Variants in EYS observed in about 807,000 individuals in gnomAD.
EYS encodes protein eyes shut homolog.
Under a neutral mutation model 282.1 loss-of-function variants are expected in EYS, and 250 were observed. The ratio of observed to expected loss-of-function variants is 0.89; its 90% CI spans 0.80 to 0.98. The LOEUF is 0.98. Ranked by LOEUF, EYS falls within the 50% of genes least tolerant of loss-of-function variation. The pLI, the probability that EYS is intolerant of heterozygous loss-of-function variation, is 0.00. For missense variants in EYS, 4,016 were observed against 3,709.0 expected, an observed-to-expected ratio of 1.08 and a Z score of -2.15; for synonymous variants, 1,355 against 1,282.9, an observed-to-expected ratio of 1.06 and a Z score of -1.20.
chr6:65,015,227 C>T (rs1772003183), intron 13 of EYS, among the ~76,000 whole-genome samples: 1 of 152,058 alleles, frequency 6.6e-6, no homozygotes. Context: ...GCAAAAACTG[C>T]CAGTTAAATT....
intron 22 of EYS, among the ~76,000 whole-genome samples, chr6:64,719,017 T>C (rs1191215145): frequency 2.6e-5 from 4 of 152,160 alleles, no homozygotes; most frequent in African/African-American, 9.7e-5. Context: ...ACGATTTTCT[T>C]AGGATGAAGT....
intron 35 of EYS, among the ~76,000 whole-genome samples, chr6:63,950,889 C>T (rs947106114): frequency 2.0e-5 from 3 of 151,980 alleles, no homozygotes; most frequent in Non-Finnish European, 4.4e-5. Context: ...GTGTTTTATC[C>T]GTGAACCCAA....
intron 2 of EYS, among the ~76,000 whole-genome samples, chr6:65,635,896 C>T (rs1321807293): frequency 6.6e-6 from 1 of 152,138 alleles, no homozygotes; most frequent in Non-Finnish European, 1.5e-5. Flanking sequence ...AACCAATCAG[C>T]AGCAAGTACC....
At chr6:65,702,140 G>A (rs1459987045) in intron 1 of EYS, among the ~76,000 whole-genome samples, 3 of 152,010 alleles carry the variant, frequency 2.0e-5, no homozygotes, top group Non-Finnish European at 2.9e-5. Flanking sequence ...TATTTCTTCC[G>A]TGTTTTGGAG....
At chr6:63,928,944 T>A (rs1454557769) in intron 35 of EYS, among the ~76,000 whole-genome samples, 1 of 152,132 alleles carries the variant, frequency 6.6e-6, no homozygotes, top group Non-Finnish European at 1.5e-5. Flanking sequence ...TAAAATCCAG[T>A]CAGAGAAGCA....
chr6:65,519,994 T>C (rs1389425613), intron 2 of EYS, among the ~76,000 whole-genome samples: 1 of 150,382 alleles, frequency 6.6e-6, no homozygotes, highest in Admixed American at 6.6e-5. Context: ...AATTTTACTC[T>C]TTATAGATTA....
intron 2 of EYS, among the ~76,000 whole-genome samples, chr6:65,587,200 G>A (rs1045521953): frequency 6.6e-6 from 1 of 151,982 alleles, no homozygotes; most frequent in African/African-American, 2.4e-5. Flanking sequence ...ATCATCATTG[G>A]TTTTATAATC....
chr6:64,087,455 C>T (rs1273527135), intron 31 of EYS, among the ~76,000 whole-genome samples: 2 of 151,990 alleles, frequency 1.3e-5, no homozygotes, highest in Non-Finnish European at 2.9e-5. Flanking sequence ...TCACCAGGAG[C>T]ATTGAAACTA....
At chr6:63,872,233 A>C (rs1261806196) in intron 35 of EYS, among the ~76,000 whole-genome samples, 1 of 151,980 alleles carries the variant, frequency 6.6e-6, no homozygotes, top group Non-Finnish European at 1.5e-5. Context: ...CTTCTTTCCC[A>C]GTCTTGGACT....
At chr6:65,682,878 G>A (rs1768886054) in intron 1 of EYS, among the ~76,000 whole-genome samples, 1 of 151,986 alleles carries the variant, frequency 6.6e-6, no homozygotes, top group Non-Finnish European at 1.5e-5. Context: ...AATACCATAT[G>A]AGAGTGGCTA....
intron 24 of EYS, among the ~76,000 whole-genome samples, chr6:64,605,994 T>G (rs1766921192): frequency 1.3e-5 from 2 of 152,024 alleles, no homozygotes; most frequent in African/African-American, 4.8e-5. Flanking sequence ...CCATTGGAAA[T>G]AATGTCCTCA....
At chr6:64,381,579 CAT>C (rs560074422) in intron 29 of EYS, among the ~76,000 whole-genome samples, 17 of 152,098 alleles carry the variant, frequency 1.1e-4, no homozygotes, top group Non-Finnish European at 2.2e-4. Flanking sequence ...ATACAGTATA[CAT>C]ACTACTGTAA....
At chr6:65,140,770 T>G (rs1764316303) in intron 12 of EYS, among the ~76,000 whole-genome samples, 1 of 151,636 alleles carries the variant, frequency 6.6e-6, no homozygotes, top group Non-Finnish European at 1.5e-5. Context: ...ATCAGAGAAA[T>G]GCAAATCAAA....
At position 65,202,366 on chromosome 6, in the gene EYS, T is replaced by C. The variant is rs531724799; in HGVS notation, c.2023+93497A>G. ...AAAATTATACATAATATTACATATA[T>C]ATAAATTCAGAAATGTCTTGTCTAG... On this transcript the variant is annotated intron_variant, in intron 12 of 42. Coordinates refer to ENST00000503581, the MANE Select transcript of EYS (RefSeq NM_001142800.2). Among the ~76,000 whole-genome samples the C allele has an allele frequency of 7.9e-5, 12 of 152,256 alleles. No individual in the cohort carries two copies. In the East Asian group the frequency reaches 1.5e-3, roughly 20 times the overall value.
chr6:65,533,093 TATTTGTGTGTA>T (rs924461285), intron 2 of EYS, among the ~76,000 whole-genome samples: 195 of 152,226 alleles, frequency 1.3e-3, no homozygotes, highest in African/African-American at 4.6e-3. Context: ...TGCTAAGCTC[TATTTGTGTGTA>T]ATTTATTGCC....
intron 31 of EYS, among the ~76,000 whole-genome samples, chr6:64,094,184 G>A (rs927593815): frequency 2.6e-5 from 4 of 152,062 alleles, no homozygotes; most frequent in Non-Finnish European, 4.4e-5. Flanking sequence ...TTTTCGCATC[G>A]ATGTTCATCA....
intron 41 of EYS, among the ~76,000 whole-genome samples, chr6:63,743,230 A>G (rs1471285885): frequency 6.6e-6 from 1 of 152,166 alleles, no homozygotes; most frequent in Non-Finnish European, 1.5e-5. Context: ...GGTATACATT[A>G]TACTTATTAT....
intron 26 of EYS, among the ~76,000 whole-genome samples, chr6:64,519,245 C>T (rs1048877224): frequency 2.6e-5 from 4 of 151,662 alleles, no homozygotes; most frequent in African/African-American, 7.2e-5. Flanking sequence ...ACGGCACCTG[C>T]GAGGGATTAT....
At chr6:64,505,614 T>C (rs1777183255) in intron 26 of EYS, among the ~76,000 whole-genome samples, 1 of 152,164 alleles carries the variant, frequency 6.6e-6, no homozygotes, top group Admixed American at 6.5e-5. Flanking sequence ...TCTTTTTATT[T>C]TTTTGTGGTT....
Sources: allele counts gnomAD v4.1 joint callset (sites outside exome capture counted in the v4.1 genomes callset), GRCh38; gene constraint gnomAD v4.1.1; transcripts MANE v1.5; gene names NCBI Gene and HGNC (gene_info 2026-07-23, HGNC 2026-07-21).